Variants in TACC2 observed in about 807,000 individuals in gnomAD.
TACC2 encodes the protein transforming acidic coiled-coil-containing protein 2.
In TACC2, 137 loss-of-function variants were observed where a neutral mutation model predicts 227.3. The ratio of observed to expected loss-of-function variants is 0.60; its 90% CI spans 0.52 to 0.69. The LOEUF (loss-of-function observed/expected upper bound fraction) is 0.69, where lower values mean the gene tolerates loss of function less well. TACC2 is among the 30% of genes least tolerant of loss of function. The probability of loss-of-function intolerance (pLI) is 0.00; values close to 1 mark genes in which losing one functional copy is unlikely to be tolerated. For synonymous variants in TACC2, 1,523 were observed against 1,487.5 expected (o/e 1.02, Z -0.55); for missense variants, 3,470 against 3,694.4 (o/e 0.94, Z 1.57).
chr10:122,214,195 C>A (rs2095354522), intron 9 of TACC2, among the ~76,000 whole-genome samples: 2 of 152,140 alleles, frequency 1.3e-5, no homozygotes, highest in Admixed American at 6.5e-5. Flanking sequence ...ATCAGACTCT[C>A]TTCTGCCCAA....
At chr10:122,185,442 C>T (rs918004016) in intron 7 of TACC2, among the ~76,000 whole-genome samples, 23 of 152,092 alleles carry the variant, frequency 1.5e-4, no homozygotes, top group Admixed American at 3.3e-4. Context: ...GCGGTCCACC[C>T]GCCTCAGCCT....
intron 2 of TACC2, among the ~76,000 whole-genome samples, chr10:122,041,225 T>C (rs1272284475): frequency 6.6e-6 from 1 of 152,208 alleles, no homozygotes; most frequent in Non-Finnish European, 1.5e-5. Flanking sequence ...CTTGGTGCTC[T>C]ACGGTTAACT....
intron 7 of TACC2, among the ~76,000 whole-genome samples, chr10:122,171,831 C>T (rs1319638427): frequency 1.3e-5 from 2 of 152,226 alleles, no homozygotes; most frequent in Non-Finnish European, 2.9e-5. Flanking sequence ...AAAAATGAGC[C>T]TCCTTGGGCC....
chr10:121,989,579 T>A (rs1952946718), intron 1 of TACC2, 91 bp downstream of exon 1: 1 of 152,136 alleles, frequency 6.6e-6, no homozygotes, highest in African/African-American at 2.4e-5. Context: ...CTTCTTAGGT[T>A]CAGTGGCTGG....
Position 122,156,918 on chromosome 10 carries a change from T to G in TACC2, c.5834+13212T>G, listed in dbSNP as rs145313771. On this transcript the variant is annotated intron_variant, in intron 7 of 22. Coordinates refer to ENST00000369005, the MANE Select transcript of TACC2 (RefSeq NM_206862.4). ...TTGAGCCCAGGAGTTCGAGACCAGC[T>G]TAGGCAACATAGTGAGACCACATCT... Among the ~76,000 whole-genome samples, 715 of 151,980 alleles carry G rather than the reference T, an allele frequency of 4.7e-3. 5 individuals are homozygous for G. The highest frequency in any genetic ancestry group is 0.015 in the African/African-American group (640 of 41,450).
intron 16 of TACC2, among the ~76,000 whole-genome samples, chr10:122,233,960 C>T (rs920478595): frequency 4.6e-5 from 7 of 152,284 alleles, no homozygotes; most frequent in South Asian, 4.1e-4. Context: ...GCGCGGGTGG[C>T]GGCACATGAC....
intron 5 of TACC2, among the ~76,000 whole-genome samples, chr10:122,122,918 A>G (rs1216129929): frequency 2.0e-5 from 3 of 152,236 alleles, no homozygotes. Flanking sequence ...CACCAAAAAT[A>G]AAATCAGCAT....
Position 122,216,814 on chromosome 10 carries a change from G to A in TACC2, c.7532G>A (p.Ser2511Asn). The A allele has an allele frequency of 6.2e-7, 1 of 1,614,106 alleles. No individual in the cohort carries two copies. Among genetic ancestry groups the A allele is most frequent in the Non-Finnish European group, 8.5e-7 (1 of 1,180,028 alleles). Residue 2511 changes from serine (S) to asparagine (N), a missense_variant, in exon 11 of 23, where the codon AGT (serine) becomes AAT (asparagine). Around this residue, in one of 10 missense-constraint regions of TACC2, gnomAD observed 345 missense variants for 354.4 expected, o/e 0.97. Coordinates refer to ENST00000369005, the MANE Select transcript of TACC2 (RefSeq NM_206862.4). ...ACCTTTGTAAACGAGACCAAATTCA[G>A]TTCACCCACTGAGGGTAAGCAACTC... The part of the protein sequence containing the change: ...LSTFVNETKF[S>N]SPTEELDYRN...
In TACC2 at chr10:122,150,257, G is replaced by A. The variant is rs2091900069; in HGVS notation, c.5834+6551G>A. Among the ~76,000 whole-genome samples the A allele has an allele frequency of 2.0e-5, 3 of 152,262 alleles. No homozygotes were observed. The highest frequency in any genetic ancestry group is 2.0e-4 in the Admixed American group (3 of 15,292). On this transcript the variant is annotated intron_variant, in intron 7 of 22. Coordinates refer to ENST00000369005, the MANE Select transcript of TACC2 (RefSeq NM_206862.4). This position sits in a 1 kb window ranked among gnomAD's most constrained non-coding sequence, Gnocchi z 4.0. ...CCACGGCCCCTAGAGCAGCTGGGAA[G>A]GGGATCCCGCCCTGAAATGGGGCTC...
chr10:122,068,167 T>C (rs1192480198), intron 3 of TACC2, among the ~76,000 whole-genome samples: 1 of 152,128 alleles, frequency 6.6e-6, no homozygotes, highest in Admixed American at 6.6e-5. Flanking sequence ...TCTCTAGAAG[T>C]TTGATTTGGG....
At chr10:122,164,977 C>CCCT (rs1438356400) in intron 7 of TACC2, among the ~76,000 whole-genome samples, 1 of 152,020 alleles carries the variant, frequency 6.6e-6, no homozygotes, top group Non-Finnish European at 1.5e-5. Flanking sequence ...GTCCCTCGAC[C>CCCT]CCTGGGCTTC....
At chr10:122,178,276 G>C (rs540385477) in intron 7 of TACC2, among the ~76,000 whole-genome samples, 1 of 140,936 alleles carries the variant, frequency 7.1e-6, no homozygotes, top group Non-Finnish European at 1.5e-5. Flanking sequence ...TGCTCTTGTC[G>C]CCTAGGCTGG....
At chr10:122,142,002 C>G (rs946798898) in intron 6 of TACC2, among the ~76,000 whole-genome samples, 2 of 152,208 alleles carry the variant, frequency 1.3e-5, no homozygotes, top group Non-Finnish European at 2.9e-5. Flanking sequence ...TTGAGTCATT[C>G]TTTTACAAAA....
At chr10:122,226,626 A>C in intron 13 of TACC2, 145 bp downstream of exon 13, 1 of 615,322 alleles carries the variant, frequency 1.6e-6, no homozygotes, top group Non-Finnish European at 2.8e-6. Flanking sequence ...TTTAATAGAG[A>C]CAGAGTCTCA....
intron 2 of TACC2, among the ~76,000 whole-genome samples, chr10:122,028,797 C>CCTCCT (rs1277118766): frequency 1.4e-5 from 1 of 72,838 alleles, no homozygotes; most frequent in Non-Finnish European, 2.7e-5. Flanking sequence ...CCTCCCCTCC[C>CCTCCT]CTCCTCTCCC....
At chr10:122,176,121 A>C (rs74906996) in intron 7 of TACC2, among the ~76,000 whole-genome samples, 3,406 of 65,926 alleles carry the variant, frequency 0.052, 23 homozygotes, top group Admixed American at 0.09. Context: ...CTCTCTCTAT[A>C]TATATATATA....
intron 9 of TACC2, among the ~76,000 whole-genome samples, chr10:122,212,861 T>C (rs1274730208): frequency 1.3e-5 from 2 of 152,216 alleles, no homozygotes; most frequent in African/African-American, 4.8e-5. Context: ...CTAGAGACTC[T>C]CTAGAATTCA....
At chr10:122,229,548 C>G (rs146232593) in intron 15 of TACC2, 62 bp downstream of exon 15, 2 of 1,583,006 alleles carry the variant, frequency 1.3e-6, no homozygotes, top group Non-Finnish European at 1.7e-6. Context: ...AATGAACCCC[C>G]GAGGCCCAAA....
At chr10:122,242,734 A>G (rs1218669145) in intron 19 of TACC2, among the ~76,000 whole-genome samples, 1 of 152,054 alleles carries the variant, frequency 6.6e-6, no homozygotes, top group Non-Finnish European at 1.5e-5. Context: ...TTCAGAAATC[A>G]TATTATAACT....
Sources: gnomAD v4.1 joint callset for allele counts (sites outside exome capture counted in the v4.1 genomes callset) on GRCh38, gnomAD v4.1.1 for gene constraint, gnomAD v4.1.1 regional missense constraint, Gnocchi (gnomAD v3.1) non-coding constraint, MANE v1.5 for transcripts, NCBI Gene and HGNC (gene_info 2026-07-23, HGNC 2026-07-21) for gene names.